Variants in CALN1 observed in about 807,000 individuals in gnomAD.
CALN1 encodes calcium-binding protein 8.
Under a neutral mutation model 30.6 loss-of-function variants are expected in CALN1, and 17 were observed. The observed-to-expected ratio is 0.56, with a 90% confidence interval of 0.38 to 0.83. The LOEUF (loss-of-function observed/expected upper bound fraction) is 0.83, where lower values mean the gene tolerates loss of function less well. CALN1 is among the 40% of genes least tolerant of loss of function. The pLI, the probability that CALN1 is intolerant of heterozygous loss-of-function variation, is 0.00. For synonymous variants in CALN1, 156 were observed against 131.4 expected (o/e 1.19, Z -1.28); for missense variants, 291 against 354.9 (o/e 0.82, Z 1.45).
intron 3 of CALN1, among the ~76,000 whole-genome samples, chr7:72,157,272 T>A (rs1026611955): frequency 3.3e-5 from 5 of 152,270 alleles, no homozygotes; most frequent in African/African-American, 9.6e-5. Flanking sequence ...TAAGACATGG[T>A]CCATGTCCTC....
chr7:71,982,279 A>G (rs1200405719), intron 5 of CALN1, among the ~76,000 whole-genome samples: 1 of 152,210 alleles, frequency 6.6e-6, no homozygotes, highest in Admixed American at 6.5e-5. Context: ...GAACTTCATT[A>G]AAACATTTTA....
intron 3 of CALN1, among the ~76,000 whole-genome samples, chr7:72,237,254 G>A (rs775270179): frequency 6.6e-6 from 1 of 152,130 alleles, no homozygotes; most frequent in Non-Finnish European, 1.5e-5. Flanking sequence ...AAAGTGCTAG[G>A]ATTACAGGCA....
upstream of CALN1, among the ~76,000 whole-genome samples, chr7:72,413,868 A>G (rs112553289): frequency 2.0e-5 from 3 of 151,808 alleles, no homozygotes; most frequent in African/African-American, 4.8e-5. Context: ...ACACTCGTAT[A>G]CACATGCACA....
intron 3 of CALN1, among the ~76,000 whole-genome samples, chr7:72,125,259 C>T (rs954493686): frequency 2.0e-5 from 3 of 152,190 alleles, no homozygotes; most frequent in Non-Finnish European, 4.4e-5. Flanking sequence ...AAGTGATCCG[C>T]CTGCCTCAGC....
chr7:72,324,429 T>C (rs2129557540), intron 2 of CALN1, among the ~76,000 whole-genome samples: 1 of 152,106 alleles, frequency 6.6e-6, no homozygotes, highest in Admixed American at 6.6e-5. Context: ...GTCCCAATCA[T>C]ACCTGCCTCT....
intron 4 of CALN1, among the ~76,000 whole-genome samples, chr7:72,083,844 T>C (rs978196208): frequency 1.4e-5 from 2 of 143,514 alleles, no homozygotes; most frequent in Non-Finnish European, 3.0e-5. Context: ...GCTTGAACCA[T>C]ATCTAAGTAC....
chr7:71,912,322 G>C (rs1272450306), intron 5 of CALN1, among the ~76,000 whole-genome samples: 1 of 152,052 alleles, frequency 6.6e-6, no homozygotes, highest in African/African-American at 2.4e-5. Context: ...GGTCCCAGTT[G>C]ATGATAACAG....
chr7:71,800,112 G>A (rs1053632005), intron 6 of CALN1, among the ~76,000 whole-genome samples: 3 of 152,208 alleles, frequency 2.0e-5, no homozygotes, highest in Non-Finnish European at 2.9e-5. Context: ...CTGACAGCCC[G>A]ACAGGAACGC....
chr7:72,375,437 C>T lies in CALN1; in HGVS notation c.119+27814G>A, dbSNP rs564873678. Among the ~76,000 whole-genome samples the T allele has an allele frequency of 5.9e-5, 9 of 151,820 alleles. No individual in the cohort carries two copies. The South Asian group carries it at 1.9e-3, about 32-fold the overall frequency. ...CAGATTAGTCAAGTGTGGTGGTGCACACCTGTAGTTCCAGCTACTCATGAG... is the reference window on the plus strand; with the variant it reads ...CAGATTAGTCAAGTGTGGTGGTGCATACCTGTAGTTCCAGCTACTCATGAG... On this transcript the variant is annotated intron_variant, in intron 2 of 6. Coordinates refer to ENST00000395275, the MANE Select transcript of CALN1 (RefSeq NM_031468.4).
At chr7:72,246,297 T>A (rs1040814645) in intron 3 of CALN1, among the ~76,000 whole-genome samples, 6 of 152,158 alleles carry the variant, frequency 3.9e-5, no homozygotes, top group African/African-American at 1.2e-4. Flanking sequence ...AATTAGGGAC[T>A]GGCCTTAAAA....
At chr7:72,254,922 A>G (rs1454321986) in intron 3 of CALN1, among the ~76,000 whole-genome samples, 4 of 151,670 alleles carry the variant, frequency 2.6e-5, no homozygotes, top group Non-Finnish European at 5.9e-5. Context: ...TTGCACCACC[A>G]CGCCCAGCTA....
intron 5 of CALN1, among the ~76,000 whole-genome samples, chr7:71,986,957 G>A (rs749332220): frequency 1.4e-4 from 21 of 152,086 alleles, no homozygotes; most frequent in African/African-American, 3.6e-4. Flanking sequence ...ACAAAACACC[G>A]TCTCTATTAA....
At chr7:72,351,272 G>A (rs1464327915) in intron 2 of CALN1, among the ~76,000 whole-genome samples, 2 of 152,142 alleles carry the variant, frequency 1.3e-5, no homozygotes, top group Non-Finnish European at 2.9e-5. Flanking sequence ...GGAGGCTGAG[G>A]CAGGAGGATC....
chr7:72,285,885 A>G (rs1034182469), intron 2 of CALN1, among the ~76,000 whole-genome samples: 1 of 152,182 alleles, frequency 6.6e-6, no homozygotes, highest in African/African-American at 2.4e-5. Flanking sequence ...GTGTCCTCCA[A>G]TTACCAGACA....
At chr7:71,795,552 C>T (rs1036773618) in intron 6 of CALN1, among the ~76,000 whole-genome samples, 1 of 152,126 alleles carries the variant, frequency 6.6e-6, no homozygotes, top group Non-Finnish European at 1.5e-5. Context: ...CGCGAGATTG[C>T]GCAACCATCA....
chr7:72,271,575 A>AAAAAAAAAAAAAAAATATATATAT, intron 3 of CALN1, among the ~76,000 whole-genome samples: 11 of 52,122 alleles, frequency 2.1e-4, no homozygotes, highest in Admixed American at 7.8e-4. Context: ...AAAAAAAAAA[A>AAAAAAAAAAAAAAAATATATATAT]ATATATATAT....
intron 2 of CALN1, among the ~76,000 whole-genome samples, chr7:72,303,785 G>A (rs1022017004): frequency 1.3e-5 from 2 of 152,118 alleles, no homozygotes; most frequent in Admixed American, 6.5e-5. Flanking sequence ...CGAGGCAGGA[G>A]GATCCCTTGA....
chr7:71,934,389 A>C (rs1795721578), intron 5 of CALN1, among the ~76,000 whole-genome samples: 2 of 152,200 alleles, frequency 1.3e-5, no homozygotes. Context: ...GAGGCTGGGT[A>C]ATTTATAAAG....
At chr7:72,455,241 G>A in the CALN1 span, among the ~76,000 whole-genome samples, 1 of 151,708 alleles carries the variant, frequency 6.6e-6, no homozygotes, top group Non-Finnish European at 1.5e-5. Flanking sequence ...GTTTGAAGCT[G>A]CAGTGAGCTA....
Sources: gnomAD v4.1 joint callset for allele counts (sites outside exome capture counted in the v4.1 genomes callset) on GRCh38, gnomAD v4.1.1 for gene constraint, MANE v1.5 for transcripts, NCBI Gene and HGNC (gene_info 2026-07-23, HGNC 2026-07-21) for gene names.